The following INPP4B variants were observed in gnomAD, a reference collection of about 807,000 sequenced individuals.
INPP4B encodes the protein inositol polyphosphate-4-phosphatase type II B.
INPP4B carries 55 observed loss-of-function variants against 122.5 expected under a neutral mutation model. The observed-to-expected ratio is 0.45, with a 90% CI of 0.36 to 0.56. The LOEUF is 0.56. INPP4B is among the 20% of genes least tolerant of loss of function. The probability of loss-of-function intolerance (pLI) is 0.00; values close to 1 mark genes in which losing one functional copy is unlikely to be tolerated. For synonymous variants in INPP4B, 403 were observed against 388.7 expected (o/e 1.04, Z -0.43); for missense variants, 1,000 against 1,097.7 (o/e 0.91, Z 1.26).
intron 2 of INPP4B, among the ~76,000 whole-genome samples, chr4:142,577,041 T>C: frequency 6.6e-6 from 1 of 152,028 alleles, no homozygotes; most frequent in East Asian, 1.9e-4. Flanking sequence ...AAGTATCCAA[T>C]AGTCTATTAA....
At chr4:142,352,607 A>C (rs1422177442) in intron 7 of INPP4B, among the ~76,000 whole-genome samples, 1 of 151,904 alleles carries the variant, frequency 6.6e-6, no homozygotes, top group Non-Finnish European at 1.5e-5. Context: ...ATCATACTTC[A>C]GCTCCCTTTT....
intron 22 of INPP4B, among the ~76,000 whole-genome samples, chr4:142,109,840 C>T (rs570364819): frequency 1.6e-4 from 25 of 152,200 alleles, no homozygotes; most frequent in Middle Eastern, 3.4e-3. Context: ...GCCGATTCCA[C>T]GCTTCTTGTT....
At chr4:142,454,216 A>T (rs1381160764) in intron 3 of INPP4B, among the ~76,000 whole-genome samples, 1 of 152,102 alleles carries the variant, frequency 6.6e-6, no homozygotes, top group African/African-American at 2.4e-5. Flanking sequence ...TATCATGATT[A>T]ATTCATGCCA....
rs1252342987 is a variant in INPP4B, at chr4:142,028,049, A to T, written c.*733T>A. 4.6e-6 allele frequency: 1 copy of T among 218,334 alleles called. No individual in the cohort carries two copies. Among genetic ancestry groups the T allele is most frequent in the African/African-American group, 2.2e-5 (1 of 44,548 alleles). The allele number at this position is 218,334 out of a possible 1,614,324, so 13.5% of individuals were successfully genotyped here. On this transcript the variant is annotated 3_prime_UTR_variant, in exon 26 of 26. Transcript: ENST00000262992. ...TTTATTTGTAATTTTAGATCATTGC[A>T]GTGTTTTGCTTATCATTCTATTAAA... is the stretch of plus-strand genomic sequence containing the variant.
intron 2 of INPP4B, among the ~76,000 whole-genome samples, chr4:142,592,658 T>C (rs1320750047): frequency 1.3e-5 from 2 of 152,212 alleles, no homozygotes; most frequent in African/African-American, 2.4e-5. Context: ...GTATGAGAGA[T>C]TTGAACTTAG....
chr4:142,633,062 G>A (rs1275771950), intron 2 of INPP4B, among the ~76,000 whole-genome samples: 1 of 151,850 alleles, frequency 6.6e-6, no homozygotes, highest in African/African-American at 2.4e-5. Flanking sequence ...AAATATATAT[G>A]TGATGCAAAT....
intron 2 of INPP4B, among the ~76,000 whole-genome samples, chr4:142,530,407 C>G (rs1469985350): frequency 6.6e-6 from 1 of 151,906 alleles, no homozygotes; most frequent in Non-Finnish European, 1.5e-5. Flanking sequence ...TCGTTAAGAA[C>G]CACTGTGGAT....
At chr4:142,056,092 C>T (rs79381671) in intron 25 of INPP4B, among the ~76,000 whole-genome samples, 4 of 151,942 alleles carry the variant, frequency 2.6e-5, no homozygotes, top group East Asian at 1.9e-4. Flanking sequence ...CTATGAGAAT[C>T]GAACGTCTGT....
At chr4:142,686,781 C>A (rs191971543) in intron 2 of INPP4B, among the ~76,000 whole-genome samples, 1 of 152,100 alleles carries the variant, frequency 6.6e-6, no homozygotes, top group East Asian at 1.9e-4. Flanking sequence ...TTTGAAAAAA[C>A]CAACCTTTGT....
chr4:142,276,408 C>G (rs1206268866), intron 9 of INPP4B, among the ~76,000 whole-genome samples: 2 of 151,818 alleles, frequency 1.3e-5, no homozygotes, highest in African/African-American at 4.8e-5. Context: ...TCACACTGAT[C>G]CACCTCATCA....
At chr4:142,603,842 G>C (rs1271304225) in intron 2 of INPP4B, among the ~76,000 whole-genome samples, 1 of 151,708 alleles carries the variant, frequency 6.6e-6, no homozygotes, top group Non-Finnish European at 1.5e-5. Context: ...TTGAAAGAGA[G>C]GGAATTCTCC....
At chr4:142,558,657 G>T (rs539212089) in intron 2 of INPP4B, among the ~76,000 whole-genome samples, 7 of 62,812 alleles carry the variant, frequency 1.1e-4, no homozygotes, top group Admixed American at 2.1e-4. Context: ...GTGGGTGTTG[G>T]GGGGGCAGTG....
chr4:142,606,879 C>T (rs1741380781), intron 2 of INPP4B, among the ~76,000 whole-genome samples: 1 of 151,826 alleles, frequency 6.6e-6, no homozygotes, highest in East Asian at 1.9e-4. Context: ...TTTTAAAACA[C>T]AAAGAAAGGT....
intron 6 of INPP4B, among the ~76,000 whole-genome samples, chr4:142,403,823 T>C (rs1452131375): frequency 2.0e-5 from 3 of 152,160 alleles, no homozygotes; most frequent in Non-Finnish European, 4.4e-5. Context: ...ACATTTTGCT[T>C]GGCACTGCAT....
At chr4:142,753,900 T>G (rs967464688) in intron 1 of INPP4B, among the ~76,000 whole-genome samples, 34 of 152,066 alleles carry the variant, frequency 2.2e-4, no homozygotes, top group Non-Finnish European at 2.6e-4. Flanking sequence ...CATTTACCAC[T>G]TTCCTGAAAT....
intron 1 of INPP4B, among the ~76,000 whole-genome samples, chr4:142,751,449 G>C (rs1769704448): frequency 6.6e-6 from 1 of 151,684 alleles, no homozygotes; most frequent in Non-Finnish European, 1.5e-5. Flanking sequence ...GTATTTTTCT[G>C]TAAGATATAA....
intron 25 of INPP4B, chr4:142,029,229 A>G (rs1738274317): frequency 6.8e-6 from 7 of 1,025,792 alleles, no homozygotes; most frequent in Non-Finnish European, 8.2e-6. Flanking sequence ...CCTTTTTATA[A>G]CATTTCCACA....
At chr4:142,596,738 A>C (rs1014679437) in intron 2 of INPP4B, among the ~76,000 whole-genome samples, 33 of 152,344 alleles carry the variant, frequency 2.2e-4, no homozygotes, top group African/African-American at 7.5e-4. Context: ...GCAGGTTTTA[A>C]AACCACCACA....
intron 9 of INPP4B, among the ~76,000 whole-genome samples, chr4:142,281,307 A>C (rs1346634466): frequency 1.3e-5 from 2 of 151,392 alleles, no homozygotes; most frequent in Non-Finnish European, 2.9e-5. Flanking sequence ...TTATAAGGCC[A>C]GGTGAAAACA....
Sources: allele counts gnomAD v4.1 joint callset (sites outside exome capture counted in the v4.1 genomes callset), GRCh38; gene constraint gnomAD v4.1.1; transcripts MANE v1.5; gene names NCBI Gene and HGNC (gene_info 2026-07-23, HGNC 2026-07-21).